OR7G2: variants seen among roughly 807,000 people sequenced by gnomAD.
OR7G2 encodes the protein olfactory receptor family 7 subfamily G member 2.
For synonymous variants in OR7G2, 153 were observed against 152.2 expected (o/e 1.01, Z -0.04); for missense variants, 362 against 384.0 (o/e 0.94, Z 0.48).
At chr19:9,103,368 ACT>A (rs1024450036) in intron 1 of OR7G2, 109 bp from the exon 2 acceptor site, 2 of 1,029,756 alleles carry the variant, frequency 1.9e-6, no homozygotes, top group African/African-American at 1.6e-5. Context: ...TTGCTGATAA[ACT>A]CTGGGGATGA....
chr19:9,103,693 G>T (rs1008105346), intron 1 of OR7G2, among the ~76,000 whole-genome samples: 15 of 145,752 alleles, frequency 1.0e-4, no homozygotes, highest in South Asian at 2.2e-4. Context: ...GTGTGTGTGT[G>T]TTTTTAGTAG....
intron 1 of OR7G2, among the ~76,000 whole-genome samples, chr19:9,103,501 C>CTTTTTTTT (rs201971532): frequency 2.5e-5 from 3 of 119,076 alleles, no homozygotes; most frequent in African/African-American, 3.6e-5. Flanking sequence ...ATGTGGAAAT[C>CTTTTTTTT]TTTTTTTTTT....
intron 1 of OR7G2, among the ~76,000 whole-genome samples, chr19:9,103,909 G>A (rs540026239): frequency 8.6e-4 from 112 of 129,562 alleles, no homozygotes; most frequent in East Asian, 3.0e-3. Flanking sequence ...TCACTCTGTC[G>A]CCCAGGCTGG....
chr19:9,106,416 CTG>C (rs1331084894), intron 1 of OR7G2, among the ~76,000 whole-genome samples: 87 of 117,872 alleles, frequency 7.4e-4, no homozygotes, highest in African/African-American at 3.0e-3. Context: ...CAGAGGGAGA[CTG>C]TGTCTCAAAA....
rs1184675368 is a variant in OR7G2, at chr19:9,102,074, G to T, written c.*195C>A. The T allele has an allele frequency of 5.9e-6, 3 of 504,988 alleles. No homozygotes were observed. Among genetic ancestry groups the T allele is most frequent in the African/African-American group, 5.8e-5 (3 of 52,018 alleles). 31.3% of individuals were successfully genotyped at this position (504,988 alleles called of 1,614,324 possible). On this transcript the variant is annotated 3_prime_UTR_variant, in exon 2 of 2. Transcript: ENST00000641081. ...AAAAATTAGCCAGGCATGGTGGCAG[G>T]CGCCTGTAATCCCCACTACTCAGGA...
intron 1 of OR7G2, among the ~76,000 whole-genome samples, chr19:9,104,485 G>T (rs1489538240): frequency 6.6e-6 from 1 of 152,048 alleles, no homozygotes; most frequent in Non-Finnish European, 1.5e-5. Context: ...TTGTCAGTTT[G>T]TGTCATTCTT....
chr19:9,105,504 C>T lies in OR7G2; in HGVS notation c.-17+1810G>A, dbSNP rs568476941. Among the ~76,000 whole-genome samples the T allele has an allele frequency of 5.3e-5, 8 of 152,140 alleles. No individual in the cohort carries two copies. In the South Asian group the frequency reaches 1.7e-3, roughly 32 times the overall value. On this transcript the variant is annotated intron_variant, in intron 1 of 1. Transcript: ENST00000641081. ...AAACCCAAAAACCACATTATTATCT[C>T]AATAGATGCAAAAAAGGCTTTTAAT...
chr19:9,103,835 T>C (rs1042767279), intron 1 of OR7G2, among the ~76,000 whole-genome samples: 1 of 144,578 alleles, frequency 6.9e-6, no homozygotes, highest in Non-Finnish European at 1.5e-5. Flanking sequence ...GGCCCAGGAG[T>C]GGAGTTTTCT....
In OR7G2 at chr19:9,107,413, G is replaced by A. The variant is rs549924643; in HGVS notation, c.-116C>T. 2.6e-5 allele frequency: 4 copies of A among 152,252 alleles called. No homozygotes were observed. Among genetic ancestry groups the A allele is most frequent in the African/African-American group, 4.8e-5 (2 of 41,546 alleles). 9.4% of individuals were successfully genotyped at this position (152,252 alleles called of 1,614,324 possible). ...GGAAGGAGGTTCTGATGCAGCTTCC[G>A]AGCTGGGTAAGAGATGTTCAGTGAG... On this transcript the variant is annotated 5_prime_UTR_variant, in exon 1 of 2. Transcript: ENST00000641081.
At chr19:9,105,560 C>T (rs973548890) in intron 1 of OR7G2, among the ~76,000 whole-genome samples, 2 of 152,056 alleles carry the variant, frequency 1.3e-5, no homozygotes, top group African/African-American at 4.8e-5. Flanking sequence ...GTTAAAAACC[C>T]TCAACAGGCT....
Position 9,102,462 on chromosome 19 carries a change from C to A in OR7G2, c.782G>T (p.Ser261Ile). The A allele has an allele frequency of 6.2e-7, 1 of 1,614,000 alleles. No individual in the cohort carries two copies. The highest frequency in any genetic ancestry group is 8.5e-7 in the Non-Finnish European group (1 of 1,179,882). Residue 261 changes from serine (S) to isoleucine (I), a missense_variant, in exon 2 of 2, where the codon AGT (serine) becomes ATT (isoleucine). By Grantham distance (142) the Ser-to-Ile change is moderately radical (BLOSUM62 -2). Transcript: ENST00000641081. ...FYGAGLGVYISSVVTDSPRKT... is the reference protein window; with the variant it reads ...FYGAGLGVYIISVVTDSPRKT... The stretch of plus-strand genomic sequence containing the variant: ...CCTAGGTGAGTCAGTAACCACAGAA[C>A]TAATGTACACCCCCAAACCTGCCCC...
At position 9,103,116 on chromosome 19, in the gene OR7G2, A is replaced by G; in HGVS notation, c.128T>C (p.Leu43Pro). ...AGAGATGACAGCCAAGAGGATGAGC[A>G]GGTTCCCCAGGATGGTGACCAAGTA... Reference protein sequence around the residue: ...SMYLVTILGNLLILLAVISDS... With the variant: ...SMYLVTILGNPLILLAVISDS... The change falls in exon 2 of 2, where the codon CTG becomes CCG. Residue 43 changes from leucine (L) to proline (P), a missense_variant. Leu to Pro is a moderately conservative substitution (Grantham distance 98). Transcript: ENST00000641081. 1.2e-6 allele frequency: 2 copies of G among 1,614,164 alleles called. No individual in the cohort carries two copies. Among genetic ancestry groups the G allele is most frequent in the East Asian group, 2.2e-5 (1 of 44,886 alleles).
At position 9,101,411 on chromosome 19, in the gene OR7G2, A is replaced by C. The variant is rs1371935285; in HGVS notation, c.*858T>G. On this transcript the variant is annotated 3_prime_UTR_variant, in exon 2 of 2. Coordinates refer to ENST00000641081, the MANE Select transcript of OR7G2 (RefSeq NM_001005193.2). ...TTTCTTCTTCTGAGACTAATCCATT[A>C]AAAAAAAATCACTTAGCCAGGAGCG... 1 of 150,700 alleles carries C rather than the reference A, an allele frequency of 6.6e-6. No individual in the cohort carries two copies. Among genetic ancestry groups the C allele is most frequent in the Non-Finnish European group, 1.5e-5 (1 of 67,804 alleles). 9.3% of individuals were successfully genotyped at this position (150,700 alleles called of 1,614,324 possible).
chr19:9,104,880 T>C (rs975441765), intron 1 of OR7G2, among the ~76,000 whole-genome samples: 3 of 152,124 alleles, frequency 2.0e-5, no homozygotes, highest in Non-Finnish European at 2.9e-5. Context: ...TGAACCCAAG[T>C]GAATATTCAA....
rs2050363572 is a variant in OR7G2, at chr19:9,102,933, A to G, written c.311T>C (p.Val104Ala). ...ATTTTCCAAGCCAGCAAAAAACAAG[A>G]CAAAGCAGATCTGGGTGAGGCAGCC... ...YSGCLTQICF[V>A]LFFAGLENCL... Residue 104 changes from valine (V) to alanine (A), a missense_variant, in exon 2 of 2, where the codon GTC (valine) becomes GCC (alanine). Coordinates refer to ENST00000641081, the MANE Select transcript of OR7G2 (RefSeq NM_001005193.2). The G allele has an allele frequency of 6.2e-7, 1 of 1,614,066 alleles. No individual in the cohort carries two copies. Among genetic ancestry groups the G allele is most frequent in the African/African-American group, 1.3e-5 (1 of 74,916 alleles).
At position 9,102,972 on chromosome 19, in the gene OR7G2, C is replaced by T; in HGVS notation, c.272G>A (p.Ser91Asn). The T allele has an allele frequency of 6.2e-7, 1 of 1,614,172 alleles. No homozygotes were observed. The highest frequency in any genetic ancestry group is 8.5e-7 in the Non-Finnish European group (1 of 1,180,022). ...GGTGAGGCAGCCTGAGTACGTGATG[C>T]TCCGATTCTGAGCTTGGATGTTCAC... Reference protein sequence around the residue: ...MLVNIQAQNRSITYSGCLTQI... With the variant: ...MLVNIQAQNRNITYSGCLTQI... Residue 91 changes from serine to asparagine, a missense_variant, in exon 2 of 2, where the codon AGC becomes AAC. Ser to Asn is a conservative substitution (Grantham distance 46). Transcript: ENST00000641081.
chr19:9,104,537 A>T (rs545500663), intron 1 of OR7G2, among the ~76,000 whole-genome samples: 2 of 152,286 alleles, frequency 1.3e-5, no homozygotes, highest in South Asian at 2.1e-4. Flanking sequence ...AAAAAATTTT[A>T]AAATTCTTGG....
rs753416121 is a variant in OR7G2 at position 9,103,260 on chromosome 19, C to G, written c.-16-1G>C. The G allele has an allele frequency of 1.9e-6, 3 of 1,613,938 alleles. No individual in the cohort carries two copies. Among genetic ancestry groups the G allele is most frequent in the Non-Finnish European group, 2.5e-6 (3 of 1,179,978 alleles). On this transcript the variant is annotated splice_acceptor_variant, in intron 1 of 1. Coordinates refer to ENST00000641081, the MANE Select transcript of OR7G2 (RefSeq NM_001005193.2). LOFTEE classifies it low-confidence loss of function (5UTR_SPLICE). ...CGCTTCCATGCTGTTGATGATGAATCTGATGGAAAAGATAATAAAATCTGT... is the reference window on the plus strand; with the variant it reads ...CGCTTCCATGCTGTTGATGATGAATGTGATGGAAAAGATAATAAAATCTGT...
intron 1 of OR7G2, among the ~76,000 whole-genome samples, chr19:9,106,371 G>A (rs892628711): frequency 6.7e-6 from 1 of 150,312 alleles, no homozygotes; most frequent in Admixed American, 6.6e-5. Flanking sequence ...GTTGCAGTAA[G>A]CCGAGATCGT....
Sources: gnomAD v4.1 joint callset for allele counts (sites outside exome capture counted in the v4.1 genomes callset) on GRCh38, gnomAD v4.1.1 for gene constraint, MANE v1.5 for transcripts, NCBI Gene and HGNC (gene_info 2026-07-23, HGNC 2026-07-21) for gene names.